Variants in BDP1 observed in about 807,000 individuals in gnomAD.
BDP1 encodes the protein BDP1 general transcription factor IIIB subunit.
In BDP1, 169 loss-of-function variants were observed where a neutral mutation model predicts 266.6. The ratio of observed to expected loss-of-function variants is 0.63; its 90% CI spans 0.56 to 0.72. BDP1 has a LOEUF of 0.72. BDP1 is among the 30% of genes least tolerant of loss of function. BDP1 has a pLI of 0.00. For synonymous variants in BDP1, 1,090 were observed against 1,022.4 expected, an observed-to-expected ratio of 1.07 and a Z score of -1.26; for missense variants, 3,015 against 3,053.8, an observed-to-expected ratio of 0.99 and a Z score of 0.30.
At position 71,510,173 on chromosome 5, in the gene BDP1, G is replaced by A. The variant is rs1286041257; in HGVS notation, c.3081G>A (p.Glu1027=). 6.2e-7 allele frequency: 1 copy of A among 1,613,914 alleles called. No individual in the cohort carries two copies. The highest frequency in any genetic ancestry group is 1.7e-5 in the Admixed American group (1 of 59,998). Residue 1027 remains glutamate, a synonymous_variant, in exon 17 of 39, where the codon GAG becomes GAA. Coordinates refer to ENST00000358731, the MANE Select transcript of BDP1 (RefSeq NM_018429.3). ...GTTCTCCAAGGGAGAAGACACCAGA[G>A]GTGATTGATGCTACTGAGGAAATAG... ...RESSPREKTP[E]VIDATEEIDL...
chr5:71,539,450 A>G (rs773660792), intron 27 of BDP1, 107 bp from the exon 28 acceptor site: 19 of 772,536 alleles, frequency 2.5e-5, no homozygotes, highest in Non-Finnish European at 3.2e-5. Flanking sequence ...CTCAGAGGAT[A>G]TTGGAATCTG....
At chr5:71,500,316 C>CTTTTTTT (rs58201517) in intron 13 of BDP1, among the ~76,000 whole-genome samples, 24 of 73,096 alleles carry the variant, frequency 3.3e-4, no homozygotes, top group African/African-American at 6.2e-4. Flanking sequence ...AATCTTGTTT[C>CTTTTTTT]TTTTTTTTTT....
At chr5:71,464,244 T>C (rs1761757748) in intron 4 of BDP1, 127 bp downstream of exon 4, 1 of 599,304 alleles carries the variant, frequency 1.7e-6, no homozygotes, top group Non-Finnish European at 2.8e-6. Context: ...TCCTGTAATC[T>C]CAGCACTTTG....
intron 25 of BDP1, among the ~76,000 whole-genome samples, chr5:71,525,579 G>T: frequency 1.2e-5 from 1 of 84,768 alleles, no homozygotes; most frequent in Admixed American, 9.5e-5. Context: ...GCGGCTGGCC[G>T]GGCGGGGGGC....
chr5:71,557,375 A>ATTTTTTTTTTT (rs55810132), intron 36 of BDP1, among the ~76,000 whole-genome samples: 1 of 103,350 alleles, frequency 9.7e-6, no homozygotes, highest in Non-Finnish European at 1.8e-5. Context: ...TGCCAAGCTA[A>ATTTTTTTTTTT]TTTTTTTTTT....
chr5:71,555,642 T>C (rs1743164908), intron 35 of BDP1, among the ~76,000 whole-genome samples: 1 of 152,104 alleles, frequency 6.6e-6, no homozygotes, highest in Non-Finnish European at 1.5e-5. Context: ...TTTCTCCATG[T>C]TGGTTAGGCT....
intron 13 of BDP1, among the ~76,000 whole-genome samples, chr5:71,499,253 C>G (rs1764085995): frequency 6.6e-6 from 1 of 152,162 alleles, no homozygotes. Context: ...GCGCGCGCCT[C>G]TATGCCCAGC....
chr5:71,457,642 G>C (rs1554107174), intron 1 of BDP1, among the ~76,000 whole-genome samples: 2 of 151,904 alleles, frequency 1.3e-5, no homozygotes, highest in Non-Finnish European at 2.9e-5. Context: ...GTCTTTGCTA[G>C]TTGTAAAACT....
Position 71,459,690 on chromosome 5 carries a change from T to C in BDP1, c.489+835T>C, listed in dbSNP as rs1372018762. 2.0e-5 allele frequency among the ~76,000 whole-genome samples: 3 copies of C among 152,352 alleles called. No individual in the cohort carries two copies. In the East Asian group the frequency reaches 5.8e-4, roughly 29 times the overall value. On this transcript the variant is annotated intron_variant, in intron 2 of 38. Coordinates refer to ENST00000358731, the MANE Select transcript of BDP1 (RefSeq NM_018429.3). ...TAACAGCAGTAGAGCATGCTGGCCC[T>C]GGAGTTAAATACTTAGGGATTGAAT...
At chr5:71,472,969 A>C (rs1162371136) in intron 7 of BDP1, among the ~76,000 whole-genome samples, 1 of 129,488 alleles carries the variant, frequency 7.7e-6, no homozygotes, top group East Asian at 2.3e-4. Context: ...ATCATGGCTC[A>C]CCTCCTGGGC....
In BDP1 at chr5:71,555,123, CT is replaced by C. The variant is rs1207014588; in HGVS notation, c.7201-1761del. The stretch of plus-strand genomic sequence containing the variant: ...GATTTATCAGTCTTTTTGTGTATGG[CT>C]TCTGGAGATTATGTTATACATTGAA... On this transcript the variant is annotated intron_variant, in intron 35 of 38. Coordinates refer to ENST00000358731, the MANE Select transcript of BDP1 (RefSeq NM_018429.3). Among the ~76,000 whole-genome samples the C allele has an allele frequency of 2.0e-5, 3 of 152,110 alleles. No individual in the cohort carries two copies. In the East Asian group the frequency reaches 5.8e-4, roughly 29 times the overall value.
intron 30 of BDP1, 74 bp from the exon 31 acceptor site, chr5:71,544,283 G>C: frequency 7.3e-7 from 1 of 1,368,310 alleles, no homozygotes; most frequent in Non-Finnish European, 1.0e-6. Context: ...CCTTTTAAGA[G>C]GGCATATGTT....
rs1320721331 is a variant in BDP1, at chr5:71,551,728, C to G, written c.6996-1388C>G. 4.6e-4 allele frequency among the ~76,000 whole-genome samples: 69 copies of G among 151,552 alleles called. 1 individual carries two copies. The highest frequency in any genetic ancestry group is 1.6e-3 in the African/African-American group (68 of 41,374). Reference sequence around the variant, plus strand: ...TCACTTCCCAGCAGGGGCGGCCGGGCAGAGGTGCCCCTCACCTCCCGGACG... The same window carrying G: ...TCACTTCCCAGCAGGGGCGGCCGGGGAGAGGTGCCCCTCACCTCCCGGACG... On this transcript the variant is annotated intron_variant, in intron 34 of 38. Coordinates refer to ENST00000358731, the MANE Select transcript of BDP1 (RefSeq NM_018429.3).
intron 14 of BDP1, among the ~76,000 whole-genome samples, 182 bp from the exon 15 acceptor site, chr5:71,502,417 G>T (rs1011848697): frequency 6.6e-6 from 1 of 151,770 alleles, no homozygotes; most frequent in East Asian, 1.9e-4. Flanking sequence ...CAAATGATTC[G>T]CCCGCCTCGG....
At chr5:71,547,444 C>T (rs561592074) in intron 32 of BDP1, among the ~76,000 whole-genome samples, 1 of 152,238 alleles carries the variant, frequency 6.6e-6, no homozygotes, top group Admixed American at 6.5e-5. Flanking sequence ...CACATAATGT[C>T]AGTTTGTCCC....
At chr5:71,538,420 A>C (rs1766768350) in intron 26 of BDP1, among the ~76,000 whole-genome samples, 1 of 152,156 alleles carries the variant, frequency 6.6e-6, no homozygotes, top group African/African-American at 2.4e-5. Context: ...AGAGAGAAAG[A>C]GCAGTGTTAG....
chr5:71,459,110 T>C (rs1761380326), intron 2 of BDP1, among the ~76,000 whole-genome samples: 1 of 152,252 alleles, frequency 6.6e-6, no homozygotes, highest in Non-Finnish European at 1.5e-5. Context: ...ATAAGTTTCA[T>C]ACGCATACAC....
intron 9 of BDP1, among the ~76,000 whole-genome samples, chr5:71,487,585 G>A (rs1241548120): frequency 6.6e-6 from 1 of 152,040 alleles, no homozygotes; most frequent in African/African-American, 2.4e-5. Flanking sequence ...CCCAGAGATC[G>A]TAAGACACTT....
In BDP1 at chr5:71,548,698, T is replaced by C. The variant is rs202225080; in HGVS notation, c.6761T>C (p.Ile2254Thr). Reference sequence around the variant, plus strand: ...TTATGGCAGTATACACCAACAAGTATTCCAGAAGTCCAACAAGAGAATATA... The same window carrying C: ...TTATGGCAGTATACACCAACAAGTACTCCAGAAGTCCAACAAGAGAATATA... ...LPVPEYTPTS[I>T]PEVQQENIIN... The change falls in exon 33 of 39, where the codon ATT becomes ACT. Residue 2254 changes from isoleucine to threonine, a missense_variant. Physicochemically the swap from Ile to Thr is moderately conservative, Grantham distance 89 (BLOSUM62 -1). Transcript: ENST00000358731. The C allele has an allele frequency of 4.4e-5, 71 of 1,607,880 alleles. No homozygotes were observed. Among genetic ancestry groups the C allele is most frequent in the African/African-American group, 1.3e-5 (1 of 74,756 alleles).
Sources: allele counts gnomAD v4.1 joint callset (sites outside exome capture counted in the v4.1 genomes callset), GRCh38; gene constraint gnomAD v4.1.1; transcripts MANE v1.5; gene names NCBI Gene and HGNC (gene_info 2026-07-23, HGNC 2026-07-21).